ANAPC1: variants seen among roughly 807,000 people sequenced by gnomAD.
The protein encoded by ANAPC1 is anaphase-promoting complex subunit 1.
ANAPC1 carries 36 observed loss-of-function variants against 208.0 expected under a neutral mutation model. The observed-to-expected ratio is 0.17, with a 90% CI of 0.13 to 0.23. ANAPC1 has a LOEUF of 0.23. Ranked by LOEUF, ANAPC1 falls within the 10% of genes least tolerant of loss-of-function variation. The probability of loss-of-function intolerance (pLI) is 1.00; values close to 1 mark genes in which losing one functional copy is unlikely to be tolerated. For missense variants in ANAPC1, 942 were observed against 2,011.6 expected (o/e 0.47, Z 10.17); for synonymous variants, 378 against 695.2 (o/e 0.54, Z 7.18).
intron 21 of ANAPC1, among the ~76,000 whole-genome samples, chr2:111,827,987 T>A (rs867775249): frequency 6.6e-6 from 1 of 152,106 alleles, no homozygotes; most frequent in South Asian, 2.1e-4. Flanking sequence ...ACAGTTTTAC[T>A]GAAAAGACAT....
chr2:111,881,143 T>C (rs1306090450), intron 1 of ANAPC1, among the ~76,000 whole-genome samples: 1 of 151,986 alleles, frequency 6.6e-6, no homozygotes, highest in Admixed American at 6.6e-5. Flanking sequence ...CGCTAATTTT[T>C]CCATACTTTA....
intron 28 of ANAPC1, among the ~76,000 whole-genome samples, chr2:111,810,527 GAA>G (rs1412827693): frequency 6.6e-6 from 1 of 151,414 alleles, no homozygotes; most frequent in African/African-American, 2.4e-5. Context: ...GCTGTGAAGT[GAA>G]AGAGTTTAGT....
intron 12 of ANAPC1, 49 bp from the exon 13 acceptor site, chr2:111,856,728 T>C (rs558574624): frequency 1.1e-4 from 178 of 1,613,068 alleles, no homozygotes; most frequent in Non-Finnish European, 3.2e-5. Flanking sequence ...CTGAGCAAAT[T>C]AACAGATTTT....
chr2:111,859,317 T>C (rs1007737580), intron 10 of ANAPC1, among the ~76,000 whole-genome samples: 2 of 152,034 alleles, frequency 1.3e-5, no homozygotes, highest in Admixed American at 1.3e-4. Flanking sequence ...ACCCCGTCTC[T>C]ACTAAAAATA....
At chr2:111,778,094 G>A (rs547941771) in intron 45 of ANAPC1, among the ~76,000 whole-genome samples, 817 of 150,520 alleles carry the variant, frequency 5.4e-3, no homozygotes, top group African/African-American at 0.019. Context: ...AAAGGTGTAT[G>A]TATTACTAAT....
chr2:111,853,942 T>C (rs539048208), intron 13 of ANAPC1, among the ~76,000 whole-genome samples: 25 of 152,216 alleles, frequency 1.6e-4, no homozygotes, highest in Middle Eastern at 3.4e-3. Flanking sequence ...GGTCTCGATC[T>C]CCTGACCTCA....
At chr2:111,883,129 G>A (rs1256836411) in intron 1 of ANAPC1, among the ~76,000 whole-genome samples, 1 of 137,086 alleles carries the variant, frequency 7.3e-6, no homozygotes, top group South Asian at 2.3e-4. Flanking sequence ...TGGCGCCACT[G>A]CACTCCAGCC....
intron 24 of ANAPC1, among the ~76,000 whole-genome samples, 175 bp downstream of exon 24, chr2:111,824,791 T>C (rs1406622581): frequency 6.6e-6 from 1 of 152,212 alleles, no homozygotes; most frequent in African/African-American, 2.4e-5. Context: ...TCCCAAATAT[T>C]ATTATATGAA....
At chr2:111,807,585 G>A (rs1427949924) in intron 29 of ANAPC1, among the ~76,000 whole-genome samples, 7 of 151,464 alleles carry the variant, frequency 4.6e-5, no homozygotes, top group Non-Finnish European at 5.9e-5. Context: ...CCAGCTACTC[G>A]GGAGGCTGAG....
chr2:111,871,378 C>A (rs1446097027), intron 6 of ANAPC1, among the ~76,000 whole-genome samples: 1 of 152,046 alleles, frequency 6.6e-6, no homozygotes, highest in Non-Finnish European at 1.5e-5. Flanking sequence ...TGTAGTTCTC[C>A]TTATAGAGAT....
chr2:111,800,522 T>C (rs1573353228), intron 34 of ANAPC1, among the ~76,000 whole-genome samples: 1 of 118,952 alleles, frequency 8.4e-6, no homozygotes, highest in African/African-American at 3.4e-5. Context: ...GGCAAACATA[T>C]TTAGTTTTTT....
At chr2:111,851,533 G>A (rs1190119712) in intron 13 of ANAPC1, among the ~76,000 whole-genome samples, 6 of 152,216 alleles carry the variant, frequency 3.9e-5, no homozygotes, top group African/African-American at 7.2e-5. Flanking sequence ...GCGGCCGGGC[G>A]CGGTGGCTCA....
At chr2:111,880,389 A>C (rs1683239573) in intron 2 of ANAPC1, 4 of 1,023,272 alleles carry the variant, frequency 3.9e-6, no homozygotes, top group Middle Eastern at 3.6e-4. Context: ...AAAAATTGAA[A>C]AATAAAAAAT....
In ANAPC1 at chr2:111,882,721, G is replaced by A. The variant is rs529423327; in HGVS notation, c.-25+1221C>T. Among the ~76,000 whole-genome samples the A allele has an allele frequency of 9.8e-4, 143 of 146,170 alleles. 1 individual carries two copies. The highest frequency in any genetic ancestry group is 3.6e-3 in the African/African-American group (141 of 39,158). ...CATTGTACTCCAGCCTGGGGGACAA[G>A]AGCAAAACTCCGTCTCAAAAAAAAA... On this transcript the variant is annotated intron_variant, in intron 1 of 47. Coordinates refer to ENST00000341068, the MANE Select transcript of ANAPC1 (RefSeq NM_022662.4).
chr2:111,846,528 C>A (rs1220781781), intron 16 of ANAPC1, among the ~76,000 whole-genome samples: 1 of 99,986 alleles, frequency 1.0e-5, no homozygotes, highest in Non-Finnish European at 1.8e-5. Context: ...CATATATATA[C>A]ATATACATAT....
chr2:111,827,649 G>A (rs1415873114), intron 21 of ANAPC1, among the ~76,000 whole-genome samples: 3 of 152,148 alleles, frequency 2.0e-5, no homozygotes, highest in Non-Finnish European at 4.4e-5. Flanking sequence ...CAGCTACTCA[G>A]GAGGCCGAGG....
In ANAPC1 at chr2:111,856,696, G is replaced by T; in HGVS notation, c.1450-17C>A. The T allele has an allele frequency of 6.2e-7, 1 of 1,613,658 alleles. No homozygotes were observed. Among genetic ancestry groups the T allele is most frequent in the Non-Finnish European group, 8.5e-7 (1 of 1,179,766 alleles). ...GTCTATTTTCTAAAAAAACAAAAAA[G>T]ACAAAAAATTTATTTCCCAATCTGA... On this transcript the variant is annotated splice_polypyrimidine_tract_variant and intron_variant, in intron 12 of 47. Coordinates refer to ENST00000341068, the MANE Select transcript of ANAPC1 (RefSeq NM_022662.4).
Position 111,834,707 on chromosome 2 carries a change from C to T in ANAPC1, c.2281G>A (p.Ala761Thr), listed in dbSNP as rs549320657. 8.9e-5 allele frequency: 144 copies of T among 1,613,466 alleles called. No individual in the cohort carries two copies. In the Admixed American group the frequency reaches 2.4e-3, roughly 27 times the overall value. Residue 761 changes from alanine (A) to threonine (T), a missense_variant, in exon 19 of 48, where the codon GCA (alanine) becomes ACA (threonine). Coordinates refer to ENST00000341068, the MANE Select transcript of ANAPC1 (RefSeq NM_022662.4). Reference sequence around the variant, plus strand: ...ACAAGGTGAAGAACGAAAAAAATTGCAGGTATGTGAGTAAAGAGAAGTGTA... The same window carrying T: ...ACAAGGTGAAGAACGAAAAAAATTGTAGGTATGTGAGTAAAGAGAAGTGTA... ...SSTLLFTHIPAIFFVLHLVYE... is the reference protein window; with the variant it reads ...SSTLLFTHIPTIFFVLHLVYE...
intron 47 of ANAPC1, among the ~76,000 whole-genome samples, chr2:111,769,679 C>CTACTGGCTGAGATTTCTTTT (rs1676615779): frequency 3.6e-5 from 3 of 83,260 alleles, no homozygotes; most frequent in Non-Finnish European, 6.9e-5. Flanking sequence ...TACTGGCTTT[C>CTACTGGCTGAGATTTCTTTT]TTTTTTTTTT....
Sources: allele counts gnomAD v4.1 joint callset (sites outside exome capture counted in the v4.1 genomes callset), GRCh38; gene constraint gnomAD v4.1.1; transcripts MANE v1.5; gene names NCBI Gene and HGNC (gene_info 2026-07-23, HGNC 2026-07-21).